HDAC8: variants seen among roughly 807,000 people sequenced by gnomAD.
HDAC8 encodes the protein histone deacetylase 8.
Under a neutral mutation model 32.2 loss-of-function variants are expected in HDAC8, and 1 was observed. The observed-to-expected ratio is 0.03, with a 90% CI of 0.01 to 0.15. The LOEUF is 0.15. Ranked by LOEUF, HDAC8 falls within the 10% of genes least tolerant of loss-of-function variation. The pLI, the probability that HDAC8 is intolerant of heterozygous loss-of-function variation, is 1.00. For missense variants in HDAC8, 117 were observed against 300.0 expected, an observed-to-expected ratio of 0.39 and a Z score of 4.51; for synonymous variants, 108 against 113.9, an observed-to-expected ratio of 0.95 and a Z score of 0.33.
At chrX:72,350,039 C>T (rs372985111) in intron 10 of HDAC8, among the ~76,000 whole-genome samples, 4 of 111,131 alleles carry the variant, frequency 3.6e-5, no homozygotes, top group Non-Finnish European at 5.7e-5. Context: ...GCAGGGAAAA[C>T]GGGCTGGATG....
chrX:72,535,520 C>CA (rs1482157622), intron 4 of HDAC8, among the ~76,000 whole-genome samples: 16 of 108,188 alleles, frequency 1.5e-4, no homozygotes, highest in Non-Finnish European at 2.3e-4. Flanking sequence ...TATGGTGCTA[C>CA]AAAAAAAAAC....
intron 9 of HDAC8, among the ~76,000 whole-genome samples, chrX:72,408,252 A>G (rs1249874074): frequency 9.0e-6 from 1 of 111,448 alleles, no homozygotes; most frequent in African/African-American, 3.3e-5. Flanking sequence ...ATTGAAAAAG[A>G]GTGATTGGGA....
intron 4 of HDAC8, among the ~76,000 whole-genome samples, chrX:72,541,885 C>A (rs1871897960): frequency 8.9e-6 from 1 of 111,914 alleles, no homozygotes; most frequent in African/African-American, 3.2e-5. Flanking sequence ...CACCCACCAA[C>A]CAATCTACTC....
chrX:72,417,700 A>C (rs1334454239), intron 9 of HDAC8, among the ~76,000 whole-genome samples: 1 of 112,112 alleles, frequency 8.9e-6, no homozygotes, highest in Non-Finnish European at 1.9e-5. Flanking sequence ...CATTTTTCAC[A>C]AAATTATAAA....
At chrX:72,459,364 A>G (rs2047806435) in intron 9 of HDAC8, among the ~76,000 whole-genome samples, 1 of 111,178 alleles carries the variant, frequency 9.0e-6, no homozygotes. Context: ...AGGGCACAGG[A>G]CTTGAAGCTG....
intron 9 of HDAC8, among the ~76,000 whole-genome samples, chrX:72,403,752 G>T (rs782453860): frequency 2.3e-4 from 26 of 111,691 alleles, no homozygotes; most frequent in Non-Finnish European, 4.0e-4. Context: ...GCTTGAACTC[G>T]AGAGATGGAG....
intron 9 of HDAC8, among the ~76,000 whole-genome samples, chrX:72,367,352 A>G (rs2044732549): frequency 8.9e-6 from 1 of 111,983 alleles, no homozygotes; most frequent in African/African-American, 3.2e-5. Context: ...GGTCCCCAGC[A>G]CTGCGATCAG....
At chrX:72,383,738 C>T (rs2045334822) in intron 9 of HDAC8, among the ~76,000 whole-genome samples, 1 of 109,303 alleles carries the variant, frequency 9.1e-6, no homozygotes, top group Admixed American at 9.8e-5. Flanking sequence ...GGCATGGTGG[C>T]GGGCACCTGT....
chrX:72,438,994 C>A, intron 9 of HDAC8, among the ~76,000 whole-genome samples: 1 of 111,184 alleles, frequency 9.0e-6, no homozygotes, highest in Middle Eastern at 4.7e-3. Context: ...AGAAGAGCAA[C>A]CCCAAGACAC....
At chrX:72,534,455 C>T (rs1377335775) in intron 4 of HDAC8, among the ~76,000 whole-genome samples, 7 of 108,715 alleles carry the variant, frequency 6.4e-5, no homozygotes, top group East Asian at 5.8e-4. Context: ...ACTATAGGCG[C>T]GCATCACCAT....
At chrX:72,331,097 C>T (rs1407748150) in intron 10 of HDAC8, among the ~76,000 whole-genome samples, 4 of 108,265 alleles carry the variant, frequency 3.7e-5, no homozygotes, top group Non-Finnish European at 7.7e-5. Context: ...CAGGTGTGTG[C>T]CACCATGCCC....
At chrX:72,487,366 T>G (rs782064833) in intron 7 of HDAC8, among the ~76,000 whole-genome samples, 1 of 111,997 alleles carries the variant, frequency 8.9e-6, no homozygotes, top group Non-Finnish European at 1.9e-5. Context: ...ATATTTTTTC[T>G]GACTGAAGAA....
chrX:72,341,813 A>G (rs781985615), intron 10 of HDAC8, among the ~76,000 whole-genome samples: 153 of 112,377 alleles, frequency 1.4e-3, no homozygotes, highest in Non-Finnish European at 1.8e-3. Flanking sequence ...TGTAAAAATG[A>G]TAACAGAAAC....
At chrX:72,442,988 A>G (rs2047210381) in intron 9 of HDAC8, among the ~76,000 whole-genome samples, 1 of 107,607 alleles carries the variant, frequency 9.3e-6, no homozygotes, top group Non-Finnish European at 1.9e-5. Context: ...AGAGCTAACT[A>G]TCCTAAATAT....
chrX:72,486,742 G>C (rs2048689578), intron 7 of HDAC8, among the ~76,000 whole-genome samples: 1 of 111,614 alleles, frequency 9.0e-6, no homozygotes, highest in South Asian at 3.8e-4. Flanking sequence ...GAGGATGAGA[G>C]GTTGTGCCAA....
intron 4 of HDAC8, among the ~76,000 whole-genome samples, chrX:72,501,979 C>G (rs1423902849): frequency 8.9e-6 from 1 of 111,804 alleles, no homozygotes; most frequent in African/African-American, 3.3e-5. Flanking sequence ...AGATACTTTT[C>G]AAAAGACGAC....
chrX:72,349,820 A>G (rs1453352787), intron 10 of HDAC8, among the ~76,000 whole-genome samples: 2 of 111,666 alleles, frequency 1.8e-5, no homozygotes, highest in Non-Finnish European at 3.8e-5. Context: ...CAGGGAAGCA[A>G]GGGCATACAC....
intron 6 of HDAC8, among the ~76,000 whole-genome samples, chrX:72,489,545 C>T (rs1240696704): frequency 9.0e-6 from 1 of 110,672 alleles, no homozygotes; most frequent in Non-Finnish European, 1.9e-5. Context: ...AACTGGCTAG[C>T]CATATGTAGA....
At chrX:72,391,320 G>T (rs970095497) in intron 9 of HDAC8, among the ~76,000 whole-genome samples, 1 of 112,393 alleles carries the variant, frequency 8.9e-6, no homozygotes, top group African/African-American at 3.2e-5. Flanking sequence ...GGAGGCTGGG[G>T]TGACAGAAAG....
Sources: allele counts gnomAD v4.1 joint callset (sites outside exome capture counted in the v4.1 genomes callset), GRCh38; gene constraint gnomAD v4.1.1; transcripts MANE v1.5; gene names NCBI Gene and HGNC (gene_info 2026-07-23, HGNC 2026-07-21).